The following NIPAL1 variants were observed in gnomAD, a reference collection of about 807,000 sequenced individuals.
NIPAL1 encodes the protein magnesium transporter NIPA3.
Under a neutral mutation model 37.7 loss-of-function variants are expected in NIPAL1, and 35 were observed. The ratio of observed to expected loss-of-function variants is 0.93; its 90% CI spans 0.71 to 1.23. The LOEUF (loss-of-function observed/expected upper bound fraction) is 1.23, where lower values mean the gene tolerates loss of function less well. Ranked by LOEUF, NIPAL1 falls within the 50% of genes most tolerant of loss-of-function variation. The pLI is 0.00. For missense variants in NIPAL1, 412 were observed against 473.9 expected, an observed-to-expected ratio of 0.87 and a Z score of 1.21; for synonymous variants, 162 against 183.0, an observed-to-expected ratio of 0.89 and a Z score of 0.93.
intron 1 of NIPAL1, among the ~76,000 whole-genome samples, chr4:48,024,593 G>A (rs1038441470): frequency 6.6e-6 from 1 of 152,110 alleles, no homozygotes; most frequent in Non-Finnish European, 1.5e-5. Flanking sequence ...CAGATTTCTT[G>A]CAATGTGATT....
At position 48,020,776 on chromosome 4, in the gene NIPAL1, G is replaced by T. The variant is rs185756629; in HGVS notation, c.46+3891G>T. Among the ~76,000 whole-genome samples, 26 of 152,284 alleles carry T rather than the reference G, an allele frequency of 1.7e-4. No individual in the cohort carries two copies. In the East Asian group the frequency reaches 5.0e-3, roughly 29 times the overall value. On this transcript the variant is annotated intron_variant, in intron 1 of 5. Transcript: ENST00000295461. ...AGCACCTTTGCCCACATTGGGAAAG[G>T]TAAGGGGCTGAATACTGAATGAATA...
intron 3 of NIPAL1, among the ~76,000 whole-genome samples, chr4:48,032,085 T>C (rs1425913039): frequency 6.6e-6 from 1 of 152,226 alleles, no homozygotes; most frequent in Non-Finnish European, 1.5e-5. Flanking sequence ...TATTCTGTTC[T>C]GTAAATTTAG....
intron 1 of NIPAL1, among the ~76,000 whole-genome samples, chr4:48,021,405 G>T (rs1338164859): frequency 6.6e-6 from 1 of 152,118 alleles, no homozygotes; most frequent in African/African-American, 2.4e-5. Context: ...AAATGTTAAA[G>T]GTGTGTGTAT....
intron 2 of NIPAL1, among the ~76,000 whole-genome samples, chr4:48,028,099 G>C (rs1375710843): frequency 1.3e-5 from 2 of 152,024 alleles, no homozygotes; most frequent in African/African-American, 2.4e-5. Context: ...GGATGACATG[G>C]AAACATCATA....
In NIPAL1 at chr4:48,037,718, T is replaced by A. The variant is rs1715985916; in HGVS notation, c.*1546T>A. ...AAAATACTAAGATCTCAGGGGCTAC[T>A]GCAGGAAAATACCTTTTTCGCACAT... On this transcript the variant is annotated 3_prime_UTR_variant, in exon 6 of 6. Coordinates refer to ENST00000295461, the MANE Select transcript of NIPAL1 (RefSeq NM_207330.3). 1 of 152,258 alleles carries A rather than the reference T, an allele frequency of 6.6e-6. No individual in the cohort carries two copies. The highest frequency in any genetic ancestry group is 6.5e-5 in the Admixed American group (1 of 15,290). The allele number at this position is 152,258 out of a possible 1,614,324, so 9.4% of individuals were successfully genotyped here.
chr4:48,033,851 T>C (rs1715870894), intron 4 of NIPAL1, among the ~76,000 whole-genome samples: 1 of 152,250 alleles, frequency 6.6e-6, no homozygotes. Context: ...AAATTCTTTT[T>C]AGCTTCTGTA....
At chr4:48,017,857 C>G (rs1715476370) in intron 1 of NIPAL1, among the ~76,000 whole-genome samples, 1 of 63,814 alleles carries the variant, frequency 1.6e-5, no homozygotes, top group Non-Finnish European at 4.1e-5. Context: ...ATATAGTTCC[C>G]TTACACATAT....
chr4:48,035,447 A>G, intron 5 of NIPAL1, 115 bp from the exon 6 acceptor site: 1 of 924,290 alleles, frequency 1.1e-6, no homozygotes, highest in Non-Finnish European at 1.7e-6. Context: ...TTTTAATTTG[A>G]TCTCACTTCT....
rs540958873 is a variant in NIPAL1 at position 48,019,726 on chromosome 4, AT to A, written c.46+2848del. On this transcript the variant is annotated intron_variant, in intron 1 of 5. Transcript: ENST00000295461. ...TTATAGGCTATAGTGGGAATTTTGG[AT>A]TTTTTTCGGAATGAGAAGGGAAGCC... is the stretch of plus-strand genomic sequence containing the variant. 1.8e-4 allele frequency among the ~76,000 whole-genome samples: 28 copies of A among 152,264 alleles called. No individual in the cohort carries two copies. In the East Asian group the frequency reaches 4.8e-3, roughly 26 times the overall value.
chr4:48,017,247 G>T (rs1715442935), intron 1 of NIPAL1, among the ~76,000 whole-genome samples: 1 of 152,164 alleles, frequency 6.6e-6, no homozygotes, highest in South Asian at 2.1e-4. Context: ...TCTGACTCAG[G>T]CTCCCTTCCA....
chr4:48,034,399 C>T (rs1053776289), intron 4 of NIPAL1, among the ~76,000 whole-genome samples: 2 of 151,960 alleles, frequency 1.3e-5, no homozygotes, highest in Admixed American at 6.6e-5. Context: ...TCCAGTGTGG[C>T]CTAGGGAAGC....
At chr4:48,026,386 A>G (rs1326252534) in intron 2 of NIPAL1, among the ~76,000 whole-genome samples, 2 of 152,220 alleles carry the variant, frequency 1.3e-5, no homozygotes, top group African/African-American at 2.4e-5. Flanking sequence ...ATCAATGATT[A>G]TAAATTACAC....
intron 4 of NIPAL1, among the ~76,000 whole-genome samples, chr4:48,034,346 C>T (rs1715878149): frequency 6.6e-6 from 1 of 151,900 alleles, no homozygotes. Flanking sequence ...TCATTAGCTA[C>T]CATTACTGTT....
intron 1 of NIPAL1, among the ~76,000 whole-genome samples, chr4:48,017,336 G>T (rs1254276652): frequency 6.6e-6 from 1 of 152,176 alleles, no homozygotes; most frequent in Non-Finnish European, 1.5e-5. Flanking sequence ...GCTGCGCCCT[G>T]CGCTGGCTCC....
Position 48,036,400 on chromosome 4 carries a change from G to A in NIPAL1, c.*228G>A, listed in dbSNP as rs1461854887. The A allele has an allele frequency of 6.3e-6, 3 of 475,614 alleles. No homozygotes were observed. Among genetic ancestry groups the A allele is most frequent in the Non-Finnish European group, 7.4e-6 (2 of 271,702 alleles). 29.5% of individuals were successfully genotyped at this position (475,614 alleles called of 1,614,324 possible). A position where few individuals can be genotyped will look rare whatever the true frequency, so the allele number is the denominator to read the frequency against. ...GAAATACTCTCTAAGGATCAAAGAAGTCAAAGAGCTATGTGTGTCTCAGAA... is the reference window on the plus strand; with the variant it reads ...GAAATACTCTCTAAGGATCAAAGAAATCAAAGAGCTATGTGTGTCTCAGAA... On this transcript the variant is annotated 3_prime_UTR_variant, in exon 6 of 6. Transcript: ENST00000295461.
intron 2 of NIPAL1, among the ~76,000 whole-genome samples, chr4:48,029,482 G>A (rs13146880): frequency 0.33 from 50,566 of 152,000 alleles, 8,662 homozygotes; most frequent in South Asian, 0.48. Flanking sequence ...GTTGGGTTCA[G>A]TGTTCACTAT....
Position 48,036,298 on chromosome 4 carries a change from C to A in NIPAL1, c.*126C>A. The A allele has an allele frequency of 2.3e-6, 2 of 878,326 alleles. No individual in the cohort carries two copies. The highest frequency in any genetic ancestry group is 1.7e-6 in the Non-Finnish European group (1 of 589,332). The allele number at this position is 878,326 out of a possible 1,614,324, so 54.4% of individuals were successfully genotyped here. A position where few individuals can be genotyped will look rare whatever the true frequency, so the allele number is the denominator to read the frequency against. Reference sequence around the variant, plus strand: ...AGTTCTAACTAATTTAGATGTGAGGCCAAGTAAAAATGCCATTTTTTTGGC... The same window carrying A: ...AGTTCTAACTAATTTAGATGTGAGGACAAGTAAAAATGCCATTTTTTTGGC... On this transcript the variant is annotated 3_prime_UTR_variant, in exon 6 of 6. Transcript: ENST00000295461.
chr4:48,025,563 A>T (rs1216504416), intron 2 of NIPAL1, among the ~76,000 whole-genome samples: 1 of 152,206 alleles, frequency 6.6e-6, no homozygotes, highest in Non-Finnish European at 1.5e-5. Flanking sequence ...TGTCACTATA[A>T]ATAGCAGCCT....
Position 48,034,882 on chromosome 4 carries a change from G to A in NIPAL1, c.463G>A (p.Ala155Thr). Residue 155 changes from alanine (A) to threonine (T), a missense_variant and splice_region_variant, in exon 5 of 6, where the codon GCA (alanine) becomes ACA (threonine). Ala to Thr is a moderately conservative substitution (Grantham distance 58, BLOSUM62 0). Transcript: ENST00000295461. ...TTTTAATTTTTTCTCTCCCAACAGT[G>A]CAATATTATCTTCCTACTTTTTAAA... Reference protein sequence around the residue: ...PLGALSVLISAILSSYFLNEH... With the variant: ...PLGALSVLISTILSSYFLNEH... 6.2e-7 allele frequency: 1 copy of A among 1,611,224 alleles called. No individual in the cohort carries two copies. Among genetic ancestry groups the A allele is most frequent in the Non-Finnish European group, 8.5e-7 (1 of 1,177,904 alleles).
Sources: allele counts gnomAD v4.1 joint callset (sites outside exome capture counted in the v4.1 genomes callset), GRCh38; gene constraint gnomAD v4.1.1; transcripts MANE v1.5; gene names NCBI Gene and HGNC (gene_info 2026-07-23, HGNC 2026-07-21).